The following GABRR3 variants were observed in gnomAD, a reference collection of about 807,000 sequenced individuals.
GABRR3 encodes gamma-aminobutyric acid type A receptor subunit rho3.
In GABRR3, 29 loss-of-function variants were observed where a neutral mutation model predicts 43.2. That is an observed-to-expected ratio of 0.67 (90% CI 0.50 to 0.92). The LOEUF (loss-of-function observed/expected upper bound fraction) is 0.92, where lower values mean the gene tolerates loss of function less well. Among genes scored for constraint, GABRR3 ranks in the 40% least tolerant of loss-of-function variants. The pLI, the probability that GABRR3 is intolerant of heterozygous loss-of-function variation, is 0.00. For synonymous variants in GABRR3, 206 were observed against 195.9 expected (o/e 1.05, Z -0.43); for missense variants, 576 against 572.3 (o/e 1.01, Z -0.07).
chr3:98,026,978 A>T (rs1406157213), intron 2 of GABRR3, among the ~76,000 whole-genome samples: 4 of 152,178 alleles, frequency 2.6e-5, no homozygotes, highest in Non-Finnish European at 4.4e-5. Flanking sequence ...AGAAATGCAG[A>T]AGTTGGGAAA....
At chr3:98,010,494 CT>C (rs1009048076) in intron 5 of GABRR3, among the ~76,000 whole-genome samples, 1 of 152,150 alleles carries the variant, frequency 6.6e-6, no homozygotes, top group African/African-American at 2.4e-5. Context: ...AGCTCAAAGT[CT>C]CCACCGTAAA....
intron 9 of GABRR3, among the ~76,000 whole-genome samples, chr3:97,991,436 G>C (rs1034569573): frequency 1.3e-5 from 2 of 152,168 alleles, no homozygotes; most frequent in African/African-American, 4.8e-5. Flanking sequence ...TGCTCTAACA[G>C]CTCCTGGTTT....
intron 3 of GABRR3, among the ~76,000 whole-genome samples, chr3:98,018,592 T>G (rs947311290): frequency 3.3e-5 from 5 of 152,186 alleles, no homozygotes; most frequent in African/African-American, 1.2e-4. Context: ...TTGATGTTAG[T>G]AACATCAACA....
chr3:98,012,325 G>A lies in GABRR3; in HGVS notation c.530+19C>T, dbSNP rs774620703. 1.1e-5 allele frequency: 18 copies of A among 1,596,190 alleles called. No homozygotes were observed. Among genetic ancestry groups the A allele is most frequent in the South Asian group, 3.3e-5 (3 of 90,296 alleles). ...GCTGCAGTACAGGGAAGCCAAAGGC[G>A]ATAGGCAGCTTTCCTTACCTGAGAC... On this transcript the variant is annotated intron_variant, in intron 5 of 9. Coordinates refer to ENST00000621172, the Ensembl canonical transcript of GABRR3.
chr3:97,985,696 TA>T (rs1173010113), downstream of GABRR3, among the ~76,000 whole-genome samples: 3 of 152,140 alleles, frequency 2.0e-5, no homozygotes, highest in African/African-American at 7.2e-5. Flanking sequence ...TAAAAACCTC[TA>T]AAAAGCTGTG....
At chr3:97,995,680 T>C (rs752642934) in intron 8 of GABRR3, among the ~76,000 whole-genome samples, 1 of 152,074 alleles carries the variant, frequency 6.6e-6, no homozygotes, top group Non-Finnish European at 1.5e-5. Flanking sequence ...AACTGAGATG[T>C]AAATTCCTAA....
chr3:98,032,440 A>T (rs116461576), intron 2 of GABRR3, among the ~76,000 whole-genome samples: 2,652 of 152,240 alleles, frequency 0.017, 42 homozygotes, highest in Non-Finnish European at 0.028. Context: ...TTTAGCCCCA[A>T]CCCAGCACTT....
At chr3:98,025,581 C>G in exon 3 of GABRR3, 1 of 1,609,082 alleles carries the variant, frequency 6.2e-7, no homozygotes, top group Non-Finnish European at 8.5e-7. Context: ...AAATCCAGGT[C>G]TCATTGCGAA....
intron 9 of GABRR3, among the ~76,000 whole-genome samples, chr3:97,990,013 C>T (rs1447717228): frequency 2.0e-5 from 3 of 152,166 alleles, no homozygotes; most frequent in Admixed American, 6.5e-5. Context: ...CCCAAACCCA[C>T]AGACATTTCT....
At chr3:97,994,722 A>C (rs1387826365) in intron 8 of GABRR3, among the ~76,000 whole-genome samples, 1 of 152,240 alleles carries the variant, frequency 6.6e-6, no homozygotes, top group African/African-American at 2.4e-5. Context: ...ATCTAGGTAA[A>C]TAATTAGCCA....
intron 5 of GABRR3, 131 bp from the exon 6 acceptor site, chr3:98,009,169 A>G: frequency 1.7e-6 from 1 of 582,548 alleles, no homozygotes; most frequent in Non-Finnish European, 3.1e-6. Flanking sequence ...AACAGGCAGT[A>G]TTATCTTCTG....
Position 98,007,763 on chromosome 3 carries a change from C to T in GABRR3, c.754+1G>A. The T allele has an allele frequency of 6.2e-7, 1 of 1,613,444 alleles. No individual in the cohort carries two copies. The highest frequency in any genetic ancestry group is 8.5e-7 in the Non-Finnish European group (1 of 1,179,676). ...TGAATCACCCATGTAAAATGCTGTA[C>T]CTGTGCTGCTATAGAAAGCTAATCC... On this transcript the variant is annotated splice_donor_variant, in intron 7 of 9. Coordinates refer to ENST00000621172, the Ensembl canonical transcript of GABRR3. LOFTEE classifies it high-confidence loss of function.
At chr3:97,996,473 T>C (rs1030572950) in intron 8 of GABRR3, among the ~76,000 whole-genome samples, 3 of 152,098 alleles carry the variant, frequency 2.0e-5, no homozygotes, top group Admixed American at 6.5e-5. Flanking sequence ...ATATCCTCTG[T>C]TAGGAGATGA....
At chr3:98,007,628 C>T in intron 7 of GABRR3, 136 bp downstream of exon 7, 2 of 890,124 alleles carry the variant, frequency 2.2e-6, no homozygotes, top group Admixed American at 4.9e-5. Flanking sequence ...AGCTTGCTCC[C>T]TGTAAAAGGA....
intron 4 of GABRR3, among the ~76,000 whole-genome samples, chr3:98,015,986 A>G (rs998237814): frequency 6.6e-6 from 1 of 152,194 alleles, no homozygotes; most frequent in African/African-American, 2.4e-5. Context: ...ACTTACAACC[A>G]CGGCAGAAGG....
chr3:98,000,050 G>A (rs549465826), intron 8 of GABRR3: 1 of 152,170 alleles, frequency 6.6e-6, no homozygotes, highest in South Asian at 2.1e-4. Context: ...GTGGTAGGAA[G>A]CAAATCCTGA....
At chr3:98,012,267 C>T in intron 5 of GABRR3, 77 bp downstream of exon 5, 1 of 1,026,268 alleles carries the variant, frequency 9.7e-7, no homozygotes, top group East Asian at 2.5e-5. Flanking sequence ...TGAGTTTCAT[C>T]TGAAATAAGC....
chr3:97,987,634 A>G (rs1445945785), intron 9 of GABRR3, among the ~76,000 whole-genome samples: 1 of 152,330 alleles, frequency 6.6e-6, no homozygotes, highest in East Asian at 1.9e-4. Context: ...CATGTCTTCG[A>G]TTTATAGTGA....
intron 2 of GABRR3, among the ~76,000 whole-genome samples, chr3:98,032,204 G>A (rs1217719383): frequency 6.6e-6 from 1 of 152,140 alleles, no homozygotes; most frequent in Non-Finnish European, 1.5e-5. Flanking sequence ...AAAGTGTGGA[G>A]AAATCATTGG....
Sources: gnomAD v4.1 joint callset for allele counts (sites outside exome capture counted in the v4.1 genomes callset) on GRCh38, gnomAD v4.1.1 for gene constraint, MANE v1.5 for transcripts, NCBI Gene and HGNC (gene_info 2026-07-23, HGNC 2026-07-21) for gene names.